Variants in UTRN observed in about 807,000 individuals in gnomAD.
UTRN encodes the protein utrophin.
UTRN carries 283 observed loss-of-function variants against 463.9 expected under a neutral mutation model. That is an observed-to-expected ratio of 0.61 (90% confidence interval 0.55 to 0.67). The LOEUF is 0.67. UTRN is among the 30% of genes least tolerant of loss of function. The probability of loss-of-function intolerance (pLI) is 0.00; values close to 1 mark genes in which losing one functional copy is unlikely to be tolerated. For missense variants in UTRN, 3,922 were observed against 4,084.3 expected (o/e 0.96, Z 1.08); for synonymous variants, 1,442 against 1,431.5 (o/e 1.01, Z -0.17).
At chr6:144,328,219 AC>A (rs1409092140) in intron 2 of UTRN, among the ~76,000 whole-genome samples, 1 of 151,992 alleles carries the variant, frequency 6.6e-6, no homozygotes, top group Non-Finnish European at 1.5e-5. Context: ...CAAAAGAAAA[AC>A]AAACATGTTT....
intron 58 of UTRN, among the ~76,000 whole-genome samples, chr6:144,763,648 T>C (rs942167586): frequency 6.6e-6 from 1 of 152,150 alleles, no homozygotes; most frequent in Admixed American, 6.6e-5. Flanking sequence ...CTTCCCTAAA[T>C]ATGGTCAGAG....
chr6:144,287,529 C>T (rs1803813681), intron 1 of UTRN, among the ~76,000 whole-genome samples: 3 of 152,042 alleles, frequency 2.0e-5, no homozygotes, highest in African/African-American at 7.2e-5. Context: ...ACAGCATTTC[C>T]ATCATAATGC....
At chr6:144,480,029 C>T in intron 26 of UTRN, 47 bp downstream of exon 26, 1 of 1,575,692 alleles carries the variant, frequency 6.3e-7, no homozygotes, top group African/African-American at 1.4e-5. Context: ...CCTCCCTCCT[C>T]CCTTTAAAAC....
At chr6:144,372,732 A>G (rs1264539160) in intron 2 of UTRN, among the ~76,000 whole-genome samples, 1 of 152,018 alleles carries the variant, frequency 6.6e-6, no homozygotes, top group Non-Finnish European at 1.5e-5. Context: ...TGAACTCTGG[A>G]CCTCAGGTGA....
At chr6:144,812,082 C>G (rs566728521) in intron 65 of UTRN, among the ~76,000 whole-genome samples, 43 of 152,054 alleles carry the variant, frequency 2.8e-4, no homozygotes, top group Non-Finnish European at 5.4e-4. Context: ...ACTGATATCT[C>G]AAGTTAAGAA....
intron 2 of UTRN, among the ~76,000 whole-genome samples, chr6:144,303,487 G>C (rs1805473751): frequency 6.6e-6 from 1 of 152,174 alleles, no homozygotes; most frequent in South Asian, 2.1e-4. Context: ...GAATTTTCTT[G>C]ATCAATTTCT....
At chr6:144,377,444 A>G (rs1387216596) in intron 2 of UTRN, among the ~76,000 whole-genome samples, 1 of 152,212 alleles carries the variant, frequency 6.6e-6, no homozygotes, top group East Asian at 1.9e-4. Flanking sequence ...CTATTAAGTT[A>G]AAATCTGTGC....
intron 51 of UTRN, among the ~76,000 whole-genome samples, chr6:144,621,786 T>C (rs1036385903): frequency 1.3e-5 from 2 of 152,172 alleles, no homozygotes; most frequent in Non-Finnish European, 2.9e-5. Flanking sequence ...CTGATTCATT[T>C]GCTAGTAATG....
intron 33 of UTRN, among the ~76,000 whole-genome samples, chr6:144,494,324 T>C (rs1465582842): frequency 6.6e-6 from 1 of 152,052 alleles, no homozygotes; most frequent in African/African-American, 2.4e-5. Flanking sequence ...TTGCAGTGAG[T>C]GTTACAGCTC....
intron 2 of UTRN, among the ~76,000 whole-genome samples, chr6:144,332,380 A>G (rs1776399223): frequency 6.6e-6 from 1 of 152,194 alleles, no homozygotes; most frequent in South Asian, 2.1e-4. Context: ...GAATGAATGA[A>G]TGAAAAGGCG....
intron 2 of UTRN, among the ~76,000 whole-genome samples, chr6:144,301,743 G>A (rs748665673): frequency 1.3e-5 from 2 of 151,550 alleles, no homozygotes; most frequent in South Asian, 2.1e-4. Flanking sequence ...CCACGTTGCC[G>A]AGGCTGGTCC....
intron 18 of UTRN, 22 bp downstream of exon 18, chr6:144,451,515 T>C (rs2128557256): frequency 1.9e-6 from 3 of 1,603,548 alleles, no homozygotes; most frequent in Middle Eastern, 1.7e-4. Context: ...AAACCACATA[T>C]ATCCTAGTGC....
At chr6:144,629,512 T>C (rs1195811420) in intron 51 of UTRN, among the ~76,000 whole-genome samples, 2 of 152,240 alleles carry the variant, frequency 1.3e-5, no homozygotes. Flanking sequence ...CTGTGCCTCC[T>C]TGATCAGATC....
At chr6:144,581,527 T>C (rs971915675) in intron 51 of UTRN, among the ~76,000 whole-genome samples, 1 of 152,182 alleles carries the variant, frequency 6.6e-6, no homozygotes, top group African/African-American at 2.4e-5. Flanking sequence ...ATCGTCTTGT[T>C]CCATAGATGC....
Position 144,778,605 on chromosome 6 carries a change from CTAA to C in UTRN, c.8633-3292_8633-3290del, listed in dbSNP as rs146368466. On this transcript the variant is annotated intron_variant, in intron 60 of 74. Transcript: ENST00000367545. ...TGGGGAAGAGAAGATAGGGGAAATG[CTAA>C]TAATAATAATAATAATAATAATAAA... Among the ~76,000 whole-genome samples the C allele has an allele frequency of 2.1e-3, 315 of 148,700 alleles. 5 individuals carry two copies. The East Asian group carries it at 0.038, about 18-fold the overall frequency.
intron 51 of UTRN, among the ~76,000 whole-genome samples, chr6:144,675,645 A>G (rs1781515664): frequency 6.6e-6 from 1 of 152,108 alleles, no homozygotes; most frequent in African/African-American, 2.4e-5. Context: ...AGGATGGTAT[A>G]ATGTTGCCCT....
In UTRN at chr6:144,424,086, A is replaced by C; in HGVS notation, c.405+8A>C. On this transcript the variant is annotated splice_region_variant and intron_variant, in intron 6 of 74. Transcript: ENST00000367545. ...ATCATTTTGCACTGGCAGGTGGGGA[A>C]ATTTCCAATCACTTTTTAATAGAGA... 6.2e-7 allele frequency: 1 copy of C among 1,612,220 alleles called. No homozygotes were observed. The highest frequency in any genetic ancestry group is 8.5e-7 in the Non-Finnish European group (1 of 1,179,302).
chr6:144,822,327 T>C lies in UTRN; in HGVS notation c.9494+1309T>C, dbSNP rs73596532. 1.1e-3 allele frequency among the ~76,000 whole-genome samples: 173 copies of C among 152,204 alleles called. 1 individual carries two copies. Among genetic ancestry groups the C allele is most frequent in the African/African-American group, 4.0e-3 (167 of 41,568 alleles). On this transcript the variant is annotated intron_variant, in intron 66 of 74. Transcript: ENST00000367545. ...CAGCCAAAGCATAGGAGATACCTTT[T>C]TCCCTCTATAGGTAATGTCGTGTGT...
At chr6:144,343,412 T>A (rs948076282) in intron 2 of UTRN, among the ~76,000 whole-genome samples, 1 of 123,472 alleles carries the variant, frequency 8.1e-6, no homozygotes, top group African/African-American at 3.7e-5. Flanking sequence ...ACACACACAA[T>A]AGCCGGGCAT....
Sources: allele counts gnomAD v4.1 joint callset (sites outside exome capture counted in the v4.1 genomes callset), GRCh38; gene constraint gnomAD v4.1.1; transcripts MANE v1.5; gene names NCBI Gene and HGNC (gene_info 2026-07-23, HGNC 2026-07-21).